MYT1L: variants seen among roughly 807,000 people sequenced by gnomAD.
The protein encoded by MYT1L is myelin transcription factor 1-like protein.
In MYT1L, 12 loss-of-function variants were observed where a neutral mutation model predicts 126.7. The ratio of observed to expected loss-of-function variants is 0.09; its 90% CI spans 0.06 to 0.15. MYT1L has a LOEUF of 0.15. Among genes scored for constraint, MYT1L ranks in the 10% least tolerant of loss-of-function variants. The pLI is 1.00. For missense variants in MYT1L, 979 were observed against 1,585.2 expected (o/e 0.62, Z 6.49); for synonymous variants, 541 against 604.2 (o/e 0.90, Z 1.53).
chr2:1,938,231 T>TCA (rs2056234213), intron 9 of MYT1L, among the ~76,000 whole-genome samples: 2 of 152,252 alleles, frequency 1.3e-5, no homozygotes, highest in Non-Finnish European at 2.9e-5. Context: ...TAGAGATATT[T>TCA]TAGTGGACTG....
chr2:2,249,138 A>G (rs1407128852), intron 2 of MYT1L, among the ~76,000 whole-genome samples: 1 of 152,178 alleles, frequency 6.6e-6, no homozygotes, highest in Non-Finnish European at 1.5e-5. Flanking sequence ...ACACCAAAAA[A>G]TGATTAGAAC....
At chr2:2,190,419 G>C (rs2092515845) in intron 2 of MYT1L, among the ~76,000 whole-genome samples, 1 of 150,928 alleles carries the variant, frequency 6.6e-6, no homozygotes, top group Non-Finnish European at 1.5e-5. Context: ...CACACCAGAT[G>C]GTGTAATGAG....
intron 8 of MYT1L, among the ~76,000 whole-genome samples, chr2:1,963,144 G>A (rs1472858052): frequency 2.0e-5 from 3 of 152,210 alleles, no homozygotes; most frequent in African/African-American, 7.2e-5. Context: ...GTGTCTGCAG[G>A]CATAAAGCCA....
At chr2:2,327,266 A>G (rs1403591015) in intron 1 of MYT1L, among the ~76,000 whole-genome samples, 1 of 152,086 alleles carries the variant, frequency 6.6e-6, no homozygotes, top group Admixed American at 6.5e-5. Flanking sequence ...ACAAACCTAC[A>G]TCTATTTACT....
At chr2:1,799,540 G>C (rs961258540) in intron 23 of MYT1L, among the ~76,000 whole-genome samples, 1 of 152,196 alleles carries the variant, frequency 6.6e-6, no homozygotes, top group African/African-American at 2.4e-5. Context: ...TTGGAAAGTG[G>C]GAAGAACCCC....
chr2:2,120,113 T>G (rs2080783358), intron 3 of MYT1L, among the ~76,000 whole-genome samples: 1 of 152,210 alleles, frequency 6.6e-6, no homozygotes, highest in African/African-American at 2.4e-5. Flanking sequence ...TAACAGAGTT[T>G]TAGTCTAGAT....
chr2:2,121,775 G>A (rs555236771), intron 3 of MYT1L, among the ~76,000 whole-genome samples: 17 of 152,262 alleles, frequency 1.1e-4, no homozygotes, highest in Non-Finnish European at 2.5e-4. Context: ...GTGAGCCACC[G>A]CGTTTTTTCA....
chr2:2,178,948 G>A (rs2091119319), intron 2 of MYT1L, among the ~76,000 whole-genome samples: 3 of 152,170 alleles, frequency 2.0e-5, no homozygotes, highest in Admixed American at 2.0e-4. Flanking sequence ...ACAAGCTTTA[G>A]TCTTCAGGGC....
At chr2:2,325,825 A>G (rs2096239971) in intron 1 of MYT1L, 1 of 152,274 alleles carries the variant, frequency 6.6e-6, no homozygotes, top group Non-Finnish European at 1.5e-5. Context: ...CTCTTTTGAG[A>G]GAGGGTCCAT....
intron 3 of MYT1L, among the ~76,000 whole-genome samples, chr2:2,112,861 C>T (rs545321723): frequency 2.8e-4 from 43 of 152,288 alleles, no homozygotes; most frequent in Admixed American, 1.2e-3. Flanking sequence ...CAGCCTCCCG[C>T]GAGTCGCACA....
At chr2:2,140,968 A>G (rs2083893519) in intron 3 of MYT1L, among the ~76,000 whole-genome samples, 1 of 152,202 alleles carries the variant, frequency 6.6e-6, no homozygotes, top group Admixed American at 6.5e-5. Context: ...CCAAAACTAT[A>G]TAATCATAGA....
chr2:1,929,277 G>A lies in MYT1L; in HGVS notation c.506-6014C>T, dbSNP rs149168572. 2.1e-3 allele frequency among the ~76,000 whole-genome samples: 318 copies of A among 152,200 alleles called. 1 individual carries two copies. Among genetic ancestry groups the A allele is most frequent in the Non-Finnish European group, 3.3e-3 (224 of 67,996 alleles). Reference sequence around the variant, plus strand: ...GCAGCACAGGACATGGCCTGGCTCCGGGATCAGCTATTCTCACTTCCAGCA... The same window carrying A: ...GCAGCACAGGACATGGCCTGGCTCCAGGATCAGCTATTCTCACTTCCAGCA... On this transcript the variant is annotated intron_variant, in intron 9 of 24. Coordinates refer to ENST00000647738, the MANE Select transcript of MYT1L (RefSeq NM_001303052.2). This position sits in a 1 kb window ranked among gnomAD's most constrained non-coding sequence, Gnocchi z 4.7.
chr2:2,153,331 G>C (rs1422942430), intron 3 of MYT1L, among the ~76,000 whole-genome samples: 1 of 152,234 alleles, frequency 6.6e-6, no homozygotes, highest in Admixed American at 6.5e-5. Flanking sequence ...CCAAGCTCAG[G>C]TGCTGCATTT....
At position 2,256,766 on chromosome 2, in the gene MYT1L, G is replaced by A. The variant is rs576116543; in HGVS notation, c.-421+27638C>T. ...AATGCTGACATAAACATCCAAAGCCGTCATAAGAAGCAAAGGCATAGCAGT... is the reference window on the plus strand; with the variant it reads ...AATGCTGACATAAACATCCAAAGCCATCATAAGAAGCAAAGGCATAGCAGT... On this transcript the variant is annotated intron_variant, in intron 2 of 24. Transcript: ENST00000647738. 2.4e-4 allele frequency among the ~76,000 whole-genome samples: 37 copies of A among 152,308 alleles called. 1 individual carries two copies. The South Asian group carries it at 3.3e-3, about 14-fold the overall frequency.
intron 21 of MYT1L, among the ~76,000 whole-genome samples, chr2:1,832,997 T>G (rs896046573): frequency 6.6e-6 from 1 of 152,150 alleles, no homozygotes; most frequent in African/African-American, 2.4e-5. Flanking sequence ...GGTGGAGGCA[T>G]GTCTGTCTGT....
At chr2:2,272,349 T>G (rs1406022777) in intron 2 of MYT1L, among the ~76,000 whole-genome samples, 1 of 152,150 alleles carries the variant, frequency 6.6e-6, no homozygotes, top group African/African-American at 2.4e-5. Context: ...AGGCTCTCCC[T>G]GGCCTCACCC....
chr2:1,927,979 G>A (rs1275480294), intron 9 of MYT1L, among the ~76,000 whole-genome samples: 1 of 152,114 alleles, frequency 6.6e-6, no homozygotes, highest in East Asian at 1.9e-4. Context: ...TTTGAGACAG[G>A]GTCTGGCTCT....
intron 8 of MYT1L, among the ~76,000 whole-genome samples, chr2:1,949,608 G>C (rs1174429172): frequency 6.6e-6 from 1 of 152,164 alleles, no homozygotes; most frequent in East Asian, 1.9e-4. Flanking sequence ...CATGTATAAA[G>C]GTCTTTTATT....
At chr2:1,914,852 C>T (rs1400207048) in intron 11 of MYT1L, among the ~76,000 whole-genome samples, 1 of 152,226 alleles carries the variant, frequency 6.6e-6, no homozygotes, top group Non-Finnish European at 1.5e-5. Context: ...CTGTCTTTTC[C>T]ATGCCCTGAT....
Sources: allele counts gnomAD v4.1 joint callset (sites outside exome capture counted in the v4.1 genomes callset), GRCh38; gene constraint gnomAD v4.1.1; non-coding constraint Gnocchi (gnomAD v3.1); transcripts MANE v1.5; gene names NCBI Gene and HGNC (gene_info 2026-07-23, HGNC 2026-07-21).